CDH3: variants seen among roughly 807,000 people sequenced by gnomAD.
CDH3 encodes the protein cadherin-3.
CDH3 carries 54 observed loss-of-function variants against 82.0 expected under a neutral mutation model. The observed-to-expected ratio is 0.66, with a 90% CI of 0.53 to 0.83. The LOEUF (loss-of-function observed/expected upper bound fraction) is 0.83. CDH3 is among the 40% of genes least tolerant of loss of function. The probability of loss-of-function intolerance (pLI) is 0.00; values close to 1 mark genes in which losing one functional copy is unlikely to be tolerated. For synonymous variants in CDH3, 446 were observed against 437.9 expected (o/e 1.02, Z -0.23); for missense variants, 1,054 against 1,084.6 (o/e 0.97, Z 0.40).
chr16:68,670,934 G>A (rs887873985), intron 2 of CDH3, among the ~76,000 whole-genome samples: 1 of 152,026 alleles, frequency 6.6e-6, no homozygotes, highest in African/African-American at 2.4e-5. Context: ...TTAGCTGGGC[G>A]TGGTGGTGCA....
At chr16:68,654,421 G>A (rs1960350313) in intron 2 of CDH3, among the ~76,000 whole-genome samples, 2 of 79,484 alleles carry the variant, frequency 2.5e-5, no homozygotes, top group African/African-American at 5.7e-5. Context: ...TTTTTTTTGC[G>A]GCTGGGTGCG....
chr16:68,677,583 C>T (rs1961066533), intron 3 of CDH3, among the ~76,000 whole-genome samples: 1 of 152,082 alleles, frequency 6.6e-6, no homozygotes, highest in African/African-American at 2.4e-5. Flanking sequence ...ACTAAAAATA[C>T]AAAAATTAGC....
At chr16:68,684,328 A>G (rs544357772) in intron 9 of CDH3, among the ~76,000 whole-genome samples, 1 of 152,296 alleles carries the variant, frequency 6.6e-6, no homozygotes, top group South Asian at 2.1e-4. Context: ...TTTCTCAAAC[A>G]TCACCACCAC....
chr16:68,733,615 G>A, the CDH3 span, among the ~76,000 whole-genome samples: 3 of 152,218 alleles, frequency 2.0e-5, no homozygotes, highest in Admixed American at 1.3e-4. Context: ...GGTGACGTGT[G>A]TCTGTAATCA....
intron 1 of CDH3, among the ~76,000 whole-genome samples, chr16:68,714,124 G>A (rs9936721): frequency 0.23 from 35,149 of 151,822 alleles, 4,340 homozygotes; most frequent in East Asian, 0.28. Flanking sequence ...AGTAGAGACG[G>A]GGTTTCATTA....
intron 2 of CDH3, among the ~76,000 whole-genome samples, chr16:68,723,844 T>C (rs11866712): frequency 0.85 from 129,848 of 151,942 alleles, 55,658 homozygotes; most frequent in Non-Finnish European, 0.89. Context: ...CCGAGGTGGG[T>C]GGATCACAAG....
chr16:68,646,983 A>G (rs1960091689), intron 2 of CDH3, among the ~76,000 whole-genome samples: 1 of 90,528 alleles, frequency 1.1e-5, no homozygotes, highest in Non-Finnish European at 2.4e-5. Context: ...TTTTAAAAAA[A>G]TTCTTTCTGC....
chr16:68,731,057 T>A (rs1269587478), downstream of CDH3, among the ~76,000 whole-genome samples: 9 of 51,868 alleles, frequency 1.7e-4, no homozygotes, highest in Admixed American at 2.8e-4. Context: ...AATATATATA[T>A]ATATATATAT....
In CDH3 at chr16:68,653,071, T is replaced by TGA. The variant is rs565265809; in HGVS notation, c.160+7324_160+7325dup. On this transcript the variant is annotated intron_variant, in intron 2 of 15. Coordinates refer to ENST00000264012, the MANE Select transcript of CDH3 (RefSeq NM_001793.6). ...GGATTCCAGTACTGTGATCCTGGACTGAGATATCAGCTCCTCTCTGTTCTG... is the reference window on the plus strand; with the variant it reads ...GGATTCCAGTACTGTGATCCTGGACTGAGAGATATCAGCTCCTCTCTGTTCTG... Among the ~76,000 whole-genome samples, 14 of 152,290 alleles carry TGA rather than the reference T, an allele frequency of 9.2e-5. No homozygotes were observed. In the South Asian group the frequency reaches 2.9e-3, roughly 32 times the overall value.
At chr16:68,686,701 G>A in intron 11 of CDH3, 1 of 759,736 alleles carries the variant, frequency 1.3e-6, no homozygotes, top group East Asian at 2.4e-5. Flanking sequence ...AGTCACTATT[G>A]GAATGGCATC....
At chr16:68,670,231 A>C (rs925200190) in intron 2 of CDH3, among the ~76,000 whole-genome samples, 1 of 151,428 alleles carries the variant, frequency 6.6e-6, no homozygotes, top group African/African-American at 2.4e-5. Flanking sequence ...CTCAAAAAAA[A>C]AAAAAAAAAA....
rs377354522 is a variant in CDH3, at chr16:68,698,272, G to A, written c.2362G>A (p.Asp788Asn). The change falls in exon 16 of 16, where the codon GAC becomes AAC. Residue 788 changes from aspartate (D) to asparagine (N), a missense_variant. Coordinates refer to ENST00000264012, the MANE Select transcript of CDH3 (RefSeq NM_001793.6). ...GTTCGACTATGAGGGCAGCGGCTCC[G>A]ACGCCGCGTCCCTGAGCTCCCTCAC... is the stretch of plus-strand genomic sequence containing the variant. ...LVFDYEGSGS[D>N]AASLSSLTSS... 4.7e-5 allele frequency: 76 copies of A among 1,614,096 alleles called. No homozygotes were observed. Among genetic ancestry groups the A allele is most frequent in the East Asian group, 6.7e-5 (3 of 44,902 alleles).
chr16:68,712,032 G>GTTTTTTTT (rs1322776953), intron 1 of CDH3, among the ~76,000 whole-genome samples: 2 of 86,000 alleles, frequency 2.3e-5, no homozygotes, highest in African/African-American at 8.6e-5. Flanking sequence ...GGGTTTTTTT[G>GTTTTTTTT]TTTTCTTTTT....
At chr16:68,716,895 CTTT>C (rs1416223774) in intron 1 of CDH3, among the ~76,000 whole-genome samples, 5 of 135,846 alleles carry the variant, frequency 3.7e-5, no homozygotes, top group East Asian at 2.1e-4. Flanking sequence ...AGATTTTTTT[CTTT>C]TTTTTTTTTT....
chr16:68,694,410 G>C (rs1237101655), intron 13 of CDH3, among the ~76,000 whole-genome samples: 3 of 151,300 alleles, frequency 2.0e-5, no homozygotes, highest in Non-Finnish European at 1.5e-5. Context: ...TCACTTGAGG[G>C]TGGGGGTTCA....
At chr16:68,731,585 C>T (rs1274583891), downstream of CDH3, among the ~76,000 whole-genome samples, 1 of 148,668 alleles carries the variant, frequency 6.7e-6, no homozygotes, top group Non-Finnish European at 1.5e-5. Context: ...GTTTGTAATC[C>T]CAGCACTTTG....
intron 2 of CDH3, among the ~76,000 whole-genome samples, chr16:68,661,982 C>T (rs543979631): frequency 8.5e-5 from 13 of 152,312 alleles, no homozygotes; most frequent in Middle Eastern, 3.4e-3. Context: ...TGAGCCACGG[C>T]GCCCAGCCAA....
chr16:68,717,562 C>A (rs1462134968), intron 1 of CDH3, among the ~76,000 whole-genome samples: 1 of 152,078 alleles, frequency 6.6e-6, no homozygotes, highest in Non-Finnish European at 1.5e-5. Context: ...CACTTGAGGT[C>A]AGGAGTTCGA....
At chr16:68,659,973 G>T (rs1190744033) in intron 2 of CDH3, among the ~76,000 whole-genome samples, 1 of 152,054 alleles carries the variant, frequency 6.6e-6, no homozygotes, top group Non-Finnish European at 1.5e-5. Flanking sequence ...TTTTAATAGC[G>T]CCGTAGTCTT....
Sources: gnomAD v4.1 joint callset for allele counts (sites outside exome capture counted in the v4.1 genomes callset) on GRCh38, gnomAD v4.1.1 for gene constraint, MANE v1.5 for transcripts, NCBI Gene and HGNC (gene_info 2026-07-23, HGNC 2026-07-21) for gene names.